ZNF407: variants seen among roughly 807,000 people sequenced by gnomAD.
The protein encoded by ZNF407 is zinc finger protein 407.
Under a neutral mutation model 131.2 loss-of-function variants are expected in ZNF407, and 17 were observed. That is an observed-to-expected ratio of 0.13 (90% CI 0.09 to 0.19). The LOEUF is 0.19. Ranked by LOEUF, ZNF407 falls within the 10% of genes least tolerant of loss-of-function variation. ZNF407 has a pLI of 1.00. For synonymous variants in ZNF407, 1,156 were observed against 1,062.0 expected, an observed-to-expected ratio of 1.09 and a Z score of -1.72; for missense variants, 2,681 against 2,830.6, an observed-to-expected ratio of 0.95 and a Z score of 1.20.
intron 1 of ZNF407, among the ~76,000 whole-genome samples, chr18:74,614,441 C>T (rs533421916): frequency 2.6e-5 from 4 of 152,204 alleles, no homozygotes; most frequent in Admixed American, 1.3e-4. Flanking sequence ...AGCCGTATTA[C>T]GTACAGTGCA....
chr18:74,900,917 A>G (rs1599230199), intron 7 of ZNF407, among the ~76,000 whole-genome samples: 1 of 152,180 alleles, frequency 6.6e-6, no homozygotes, highest in Non-Finnish European at 1.5e-5. Flanking sequence ...TACCTTCTTC[A>G]AATTGCCGGT....
intron 3 of ZNF407, among the ~76,000 whole-genome samples, chr18:74,643,018 G>A (rs1341317066): frequency 6.6e-6 from 1 of 152,130 alleles, no homozygotes; most frequent in East Asian, 1.9e-4. Context: ...GATCTTTGTA[G>A]TTGGAACAGA....
At chr18:74,650,341 A>G (rs1021737073) in intron 3 of ZNF407, among the ~76,000 whole-genome samples, 2 of 152,202 alleles carry the variant, frequency 1.3e-5, no homozygotes, top group African/African-American at 4.8e-5. Flanking sequence ...AGTCTGCATC[A>G]TGTAGCACTC....
At chr18:74,767,647 CTCTTTTT>C (rs1490210473) in intron 3 of ZNF407, among the ~76,000 whole-genome samples, 1 of 108,416 alleles carries the variant, frequency 9.2e-6, no homozygotes, top group Admixed American at 1.4e-4. Flanking sequence ...ATTCTGAATT[CTCTTTTT>C]TTTTTTTTTT....
At chr18:74,900,389 A>G (rs144936217) in intron 7 of ZNF407, among the ~76,000 whole-genome samples, 1 of 152,326 alleles carries the variant, frequency 6.6e-6, no homozygotes, top group Non-Finnish European at 1.5e-5. Context: ...TTTTGAGTCA[A>G]GAAAACAGAA....
At chr18:74,786,567 T>C (rs1019166806) in intron 4 of ZNF407, among the ~76,000 whole-genome samples, 5 of 152,080 alleles carry the variant, frequency 3.3e-5, no homozygotes, top group African/African-American at 1.2e-4. Context: ...GAAATAATTC[T>C]TTTGGGCTAA....
chr18:74,783,009 T>A lies in ZNF407; in HGVS notation c.4877+1507T>A, dbSNP rs1969636296. 2.6e-5 allele frequency among the ~76,000 whole-genome samples: 4 copies of A among 152,318 alleles called. No individual in the cohort carries two copies. The South Asian group carries it at 8.3e-4, about 32-fold the overall frequency. On this transcript the variant is annotated intron_variant, in intron 4 of 8. Coordinates refer to ENST00000299687, the MANE Select transcript of ZNF407 (RefSeq NM_017757.3). ...ATTCTTGAAATTTAAAAGCATACTA[T>A]ACTATATTTTTAAAAGAATAATTTG...
chr18:74,889,661 T>A (rs1971358173), intron 6 of ZNF407, among the ~76,000 whole-genome samples: 1 of 152,188 alleles, frequency 6.6e-6, no homozygotes, highest in South Asian at 2.1e-4. Context: ...TTTAGATTCC[T>A]GTTTATGTAA....
intron 4 of ZNF407, among the ~76,000 whole-genome samples, chr18:74,849,713 G>A (rs188286216): frequency 6.6e-6 from 1 of 152,188 alleles, no homozygotes; most frequent in Admixed American, 6.5e-5. Context: ...AGAAAGAGAC[G>A]AAGGAGATTC....
intron 3 of ZNF407, among the ~76,000 whole-genome samples, chr18:74,774,436 T>C (rs1462255193): frequency 1.3e-5 from 2 of 152,214 alleles, no homozygotes; most frequent in Non-Finnish European, 2.9e-5. Flanking sequence ...TAAGTATTTA[T>C]ATTGAAGAAA....
intron 4 of ZNF407, 23 bp from the exon 5 acceptor site, chr18:74,877,174 T>C: frequency 6.2e-7 from 1 of 1,612,138 alleles, no homozygotes; most frequent in Non-Finnish European, 8.5e-7. Context: ...ATATTTATAT[T>C]GTTTTCTCTC....
chr18:74,633,831 G>A lies in ZNF407; in HGVS notation c.2812G>A (p.Ala938Thr), dbSNP rs1984275999. 15 of 1,613,870 alleles carry A rather than the reference G, an allele frequency of 9.3e-6. No homozygotes were observed. Among genetic ancestry groups the A allele is most frequent in the Non-Finnish European group, 1.2e-5 (14 of 1,179,896 alleles). The change falls in exon 2 of 9, where the codon GCA (alanine) becomes ACA (threonine). Residue 938 changes from alanine to threonine, a missense_variant. This residue lies in a region of ZNF407 where 1,789 missense variants were observed against 1,748.7 expected (regional missense o/e 1.02). Coordinates refer to ENST00000299687, the MANE Select transcript of ZNF407 (RefSeq NM_017757.3). Reference protein sequence around the residue: ...LEAGKKNAGSAVTMSDEHANK... With the variant: ...LEAGKKNAGSTVTMSDEHANK... ...AGCTGGTAAAAAGAATGCTGGCTCA[G>A]CAGTGACCATGTCAGATGAACATGC...
At chr18:74,704,748 A>G (rs1234305012) in intron 3 of ZNF407, among the ~76,000 whole-genome samples, 1 of 152,222 alleles carries the variant, frequency 6.6e-6, no homozygotes, top group Non-Finnish European at 1.5e-5. Context: ...TTCTTGCATT[A>G]GAAACACTTA....
rs1973455374 is a variant in ZNF407 at position 75,048,002 on chromosome 18, T to C, written c.5429-15148T>C. On this transcript the variant is annotated intron_variant, in intron 8 of 8. Transcript: ENST00000299687. The surrounding 1 kb of genome is among the most constrained non-coding windows in gnomAD (Gnocchi z 4.1). ...GTTTCACCTGCCTTTCTTTTCTTCGTTATAGTAATGAAGCCACTAATCAGA... is the reference window on the plus strand; with the variant it reads ...GTTTCACCTGCCTTTCTTTTCTTCGCTATAGTAATGAAGCCACTAATCAGA... Among the ~76,000 whole-genome samples, 1 of 152,232 alleles carries C rather than the reference T, an allele frequency of 6.6e-6. No homozygotes were observed. Among genetic ancestry groups the C allele is most frequent in the Non-Finnish European group, 1.5e-5 (1 of 68,042 alleles).
intron 3 of ZNF407, among the ~76,000 whole-genome samples, chr18:74,692,118 TGTGG>T (rs980320610): frequency 1.3e-5 from 2 of 151,782 alleles, no homozygotes; most frequent in Non-Finnish European, 2.9e-5. Context: ...TGTGTGCGTG[TGTGG>T]GTGTGTGTGT....
chr18:75,021,095 T>C (rs555061507), intron 8 of ZNF407, among the ~76,000 whole-genome samples: 1 of 152,214 alleles, frequency 6.6e-6, no homozygotes, highest in East Asian at 1.9e-4. Flanking sequence ...CTGAGTTCTA[T>C]TAAATGACAG....
At chr18:74,614,768 G>T (rs1983213402) in intron 1 of ZNF407, among the ~76,000 whole-genome samples, 1 of 152,186 alleles carries the variant, frequency 6.6e-6, no homozygotes, top group South Asian at 2.1e-4. Context: ...TTTTACAAAT[G>T]TGGAAGTAAT....
At chr18:74,893,211 A>G (rs1971409494) in intron 7 of ZNF407, among the ~76,000 whole-genome samples, 1 of 152,202 alleles carries the variant, frequency 6.6e-6, no homozygotes, top group Non-Finnish European at 1.5e-5. Flanking sequence ...TTTTCTAACT[A>G]TATTGTTACT....
intron 4 of ZNF407, among the ~76,000 whole-genome samples, chr18:74,803,338 C>G (rs1471050654): frequency 6.6e-6 from 1 of 152,164 alleles, no homozygotes; most frequent in Non-Finnish European, 1.5e-5. Flanking sequence ...TGGTCCAGCC[C>G]TCTGGTTCAT....
Sources: allele counts gnomAD v4.1 joint callset (sites outside exome capture counted in the v4.1 genomes callset), GRCh38; gene constraint gnomAD v4.1.1; regional missense constraint gnomAD v4.1.1; non-coding constraint Gnocchi (gnomAD v3.1); transcripts MANE v1.5; gene names NCBI Gene and HGNC (gene_info 2026-07-23, HGNC 2026-07-21).